Variants in APOO observed in about 807,000 individuals in gnomAD.
APOO encodes the protein apolipoprotein O, also known as MICOS complex subunit MIC26.
In APOO, 11 loss-of-function variants were observed where a neutral mutation model predicts 23.1. The ratio of observed to expected loss-of-function variants is 0.48; its 90% confidence interval spans 0.30 to 0.79. The LOEUF (loss-of-function observed/expected upper bound fraction) is 0.79. APOO is among the 30% of genes least tolerant of loss of function. The pLI is 0.07. For synonymous variants in APOO, 59 were observed against 54.8 expected, an observed-to-expected ratio of 1.08 and a Z score of -0.34; for missense variants, 160 against 142.7, an observed-to-expected ratio of 1.12 and a Z score of -0.62.
chrX:23,883,626 T>A (rs915216240), intron 1 of APOO: 1 of 112,060 alleles, frequency 8.9e-6, no homozygotes, highest in Non-Finnish European at 1.9e-5. Flanking sequence ...AACCCTAGGA[T>A]ACAGAAAGCC....
intron 8 of APOO, among the ~76,000 whole-genome samples, chrX:23,839,576 T>C (rs946690482): frequency 8.9e-6 from 1 of 111,799 alleles, no homozygotes; most frequent in African/African-American, 3.2e-5. Flanking sequence ...GATTATAAAA[T>C]GCATACTCAT....
intron 8 of APOO, among the ~76,000 whole-genome samples, chrX:23,837,909 C>T (rs1923772461): frequency 9.3e-6 from 1 of 107,227 alleles, no homozygotes; most frequent in Non-Finnish European, 1.9e-5. Flanking sequence ...ATCCACCTAC[C>T]TCAGCCTCCC....
chrX:23,839,529 TACAATAAATG>T (rs1923873063), intron 8 of APOO, among the ~76,000 whole-genome samples: 1 of 112,050 alleles, frequency 8.9e-6, no homozygotes, highest in African/African-American at 3.2e-5. Context: ...GGCCATGATT[TACAATAAATG>T]TAACACCAAT....
At chrX:23,872,228 G>C (rs1925649289) in intron 4 of APOO, among the ~76,000 whole-genome samples, 1 of 110,876 alleles carries the variant, frequency 9.0e-6, no homozygotes, top group Admixed American at 9.7e-5. Flanking sequence ...AAAAAAGTGA[G>C]ACCCTGCCTC....
At chrX:23,896,762 C>T (rs778468671) in intron 1 of APOO, among the ~76,000 whole-genome samples, 1 of 109,372 alleles carries the variant, frequency 9.1e-6, no homozygotes, top group South Asian at 3.9e-4. Flanking sequence ...CTTCAGCCTC[C>T]CAAGTACCTA....
intron 1 of APOO, among the ~76,000 whole-genome samples, chrX:23,889,762 A>AAG (rs1926552981): frequency 2.9e-5 from 3 of 103,564 alleles, no homozygotes; most frequent in Non-Finnish European, 3.9e-5. Context: ...TCCTGGGTTC[A>AAG]TGCCATTCTC....
Position 23,907,618 on chromosome X carries a change from C to A in APOO, c.9+76G>T, listed in dbSNP as rs972931648. The A allele has an allele frequency of 3.0e-5, 32 of 1,074,523 alleles. No individual in the cohort carries two copies. In the African/African-American group the frequency reaches 5.6e-4, roughly 19 times the overall value. 88.6% of individuals were successfully genotyped at this position (1,074,523 alleles called of 1,213,427 possible). On this transcript the variant is annotated intron_variant, in intron 1 of 8. Coordinates refer to ENST00000379226, the MANE Select transcript of APOO (RefSeq NM_024122.5). Reference sequence around the variant, plus strand: ...TGAGCCAGGCCTGGCTGCAGAGAGGCCCCAAGAGAGCGCGGGGAGGGCTCG... The same window carrying A: ...TGAGCCAGGCCTGGCTGCAGAGAGGACCCAAGAGAGCGCGGGGAGGGCTCG...
chrX:23,889,229 A>G (rs1270324399), intron 1 of APOO, among the ~76,000 whole-genome samples: 1 of 111,941 alleles, frequency 8.9e-6, no homozygotes, highest in African/African-American at 3.2e-5. Flanking sequence ...TTACCAAGAC[A>G]TGAATCTGGT....
In APOO at chrX:23,878,990, C is replaced by T. The variant is rs768645237; in HGVS notation, c.162G>A (p.Glu54=). ...SVPEGQSKYV[E]EARSQLEESI... The stretch of plus-strand genomic sequence containing the variant: ...TTTCTTCAAGCTGGCTCCTTGCCTC[C>T]TCCACATACTTCGATTGACCCTCAG... Residue 54 remains glutamate, a synonymous_variant, in exon 3 of 9, where the codon GAG becomes GAA. Coordinates refer to ENST00000379226, the MANE Select transcript of APOO (RefSeq NM_024122.5). The T allele has an allele frequency of 5.8e-6, 7 of 1,209,947 alleles. No homozygotes were observed. Among genetic ancestry groups the T allele is most frequent in the South Asian group, 3.5e-5 (2 of 56,862 alleles).
intron 1 of APOO, among the ~76,000 whole-genome samples, chrX:23,900,632 G>A (rs888422024): frequency 7.1e-5 from 7 of 98,804 alleles, no homozygotes; most frequent in Non-Finnish European, 1.2e-4. Flanking sequence ...CCAAGACTGC[G>A]CCAGTGCACT....
At chrX:23,881,513 T>C (rs1361735222) in intron 1 of APOO, among the ~76,000 whole-genome samples, 2 of 80,395 alleles carry the variant, frequency 2.5e-5, no homozygotes, top group African/African-American at 1.0e-4. Flanking sequence ...CACTCCAGCC[T>C]GGGCAATAGA....
chrX:23,888,969 A>G (rs1336671561), intron 1 of APOO, among the ~76,000 whole-genome samples: 1 of 99,826 alleles, frequency 1.0e-5, no homozygotes, highest in African/African-American at 3.8e-5. Context: ...ACAAGACTCC[A>G]TCTCTACAAA....
chrX:23,865,448 A>G lies in APOO; in HGVS notation c.388+3145T>C, dbSNP rs150046280. Reference sequence around the variant, plus strand: ...GTGAAACCTCGTGTCTACTAAAAATACAAAAATGAGCTGGGCATGGTGGTG... The same window carrying G: ...GTGAAACCTCGTGTCTACTAAAAATGCAAAAATGAGCTGGGCATGGTGGTG... On this transcript the variant is annotated intron_variant, in intron 5 of 8. Coordinates refer to ENST00000379226, the MANE Select transcript of APOO (RefSeq NM_024122.5). 5.6e-3 allele frequency among the ~76,000 whole-genome samples: 615 copies of G among 110,122 alleles called. 4 individuals are homozygous for G. Among genetic ancestry groups the G allele is most frequent in the South Asian group, 0.029 (74 of 2,554 alleles).
chrX:23,834,991 G>C (rs1353578742), intron 8 of APOO, among the ~76,000 whole-genome samples: 5 of 109,162 alleles, frequency 4.6e-5, no homozygotes, highest in Non-Finnish European at 9.5e-5. Context: ...CCAAAGTGCT[G>C]GGATTACAGC....
At chrX:23,868,740 CAA>C (rs1925458509) in intron 4 of APOO, 52 bp from the exon 5 acceptor site, 3 of 1,028,524 alleles carry the variant, frequency 2.9e-6, no homozygotes, top group African/African-American at 1.9e-5. Flanking sequence ...CATTAAAAAA[CAA>C]AACAAAAGTC....
Position 23,874,452 on chromosome X carries a change from C to T in APOO, c.243G>A (p.Thr81=), listed in dbSNP as rs373588929. The T allele has an allele frequency of 1.0e-5, 12 of 1,205,894 alleles. No homozygotes were observed. In the African/African-American group the frequency reaches 1.7e-4, roughly 18 times the overall value. Residue 81 remains threonine, a synonymous_variant, in exon 4 of 9, where the codon ACG becomes ACA. Transcript: ENST00000379226. ...GCATCTTGGGCTTAGTTTGGGAGTACGTTTCCTAAAAAGGTAAAAAGAAAC... is the reference window on the plus strand; with the variant it reads ...GCATCTTGGGCTTAGTTTGGGAGTATGTTTCCTAAAAAGGTAAAAAGAAAC... The part of the protein sequence containing the change: ...CEPYTTWCQE[T]YSQTKPKMQS...
rs1446189477 is a variant in APOO, at chrX:23,899,532, AT to A, written c.9+8161del. ...TTCTAAAATATAACTTTAGACTAGG[AT>A]TTTTTTGTCCCTGAAAATATATAAA... On this transcript the variant is annotated intron_variant, in intron 1 of 8. Transcript: ENST00000379226. 3.6e-5 allele frequency among the ~76,000 whole-genome samples: 4 copies of A among 112,305 alleles called. No individual in the cohort carries two copies. The Admixed American group carries it at 3.8e-4, about 11-fold the overall frequency.
At chrX:23,888,214 G>A (rs1270127900) in intron 1 of APOO, among the ~76,000 whole-genome samples, 2 of 112,079 alleles carry the variant, frequency 1.8e-5, no homozygotes, top group East Asian at 5.6e-4. Context: ...AACCAGTATT[G>A]GTGTTGGGTT....
intron 5 of APOO, among the ~76,000 whole-genome samples, chrX:23,864,145 G>A (rs552022053): frequency 1.4e-4 from 15 of 109,452 alleles, no homozygotes; most frequent in African/African-American, 3.3e-4. Context: ...ACAGGTATGC[G>A]CCACCATGCC....
Sources: gnomAD v4.1 joint callset for allele counts (sites outside exome capture counted in the v4.1 genomes callset) on GRCh38, gnomAD v4.1.1 for gene constraint, MANE v1.5 for transcripts, NCBI Gene and HGNC (gene_info 2026-07-23, HGNC 2026-07-21) for gene names.